The following SLC25A51 variants were observed in gnomAD, a reference collection of about 807,000 sequenced individuals.
SLC25A51 encodes the protein solute carrier family 25 member 51, also known as mitochondrial nicotinamide adenine dinucleotide transporter SLC25A51.
In SLC25A51, 11 loss-of-function variants were observed where a neutral mutation model predicts 19.1. The observed-to-expected ratio is 0.58, with a 90% confidence interval of 0.36 to 0.96. The LOEUF is 0.96. Among genes scored for constraint, SLC25A51 ranks in the 40% least tolerant of loss-of-function variants. SLC25A51 has a pLI of 0.01. For missense variants in SLC25A51, 201 were observed against 365.4 expected (o/e 0.55, Z 3.67); for synonymous variants, 105 against 133.6 (o/e 0.79, Z 1.47).
At chr9:37,885,355 A>AC (rs1411222939), downstream of SLC25A51, among the ~76,000 whole-genome samples, 11 of 149,778 alleles carry the variant, frequency 7.3e-5, no homozygotes, top group African/African-American at 1.9e-4. Context: ...AAAAAAAAAA[A>AC]AAAAAAAAAA....
intron 2 of SLC25A51, among the ~76,000 whole-genome samples, chr9:37,892,740 AT>A (rs112309179): frequency 1.1e-3 from 151 of 141,654 alleles, no homozygotes; most frequent in East Asian, 3.1e-3. Flanking sequence ...CACCTGGTTA[AT>A]TTTTTTTTTT....
intron 2 of SLC25A51, among the ~76,000 whole-genome samples, chr9:37,897,693 A>G (rs981893223): frequency 2.6e-5 from 4 of 151,552 alleles, no homozygotes; most frequent in East Asian, 1.9e-4. Flanking sequence ...TATAGTTCTT[A>G]TATTTTTCTT....
downstream of SLC25A51, among the ~76,000 whole-genome samples, chr9:37,887,032 C>T (rs1290806014): frequency 1.3e-5 from 2 of 151,116 alleles, no homozygotes; most frequent in South Asian, 2.1e-4. Context: ...ATTAGCTGGG[C>T]GTAGCCGGGC....
chr9:37,878,835 C>G (rs60600623), downstream of SLC25A51: 12 of 156,900 alleles, frequency 7.6e-5, no homozygotes, highest in African/African-American at 2.6e-4. Flanking sequence ...GCCAGTCTTG[C>G]CATGTTGCCC....
At chr9:37,885,457 TACG>T (rs1322394924), downstream of SLC25A51, among the ~76,000 whole-genome samples, 1 of 151,982 alleles carries the variant, frequency 6.6e-6, no homozygotes, top group African/African-American at 2.4e-5. Flanking sequence ...GGCCTGGAGT[TACG>T]ACACCAACTT....
intron 2 of SLC25A51, among the ~76,000 whole-genome samples, chr9:37,893,682 T>C (rs2118344498): frequency 6.6e-6 from 1 of 152,356 alleles, no homozygotes; most frequent in Non-Finnish European, 1.5e-5. Flanking sequence ...GGTTAGATTA[T>C]GAAGTCACCT....
chr9:37,892,569 A>T (rs56088737), intron 2 of SLC25A51, among the ~76,000 whole-genome samples: 12,599 of 151,384 alleles, frequency 0.083, 799 homozygotes, highest in East Asian at 0.38. Context: ...ATATATATAT[A>T]TTTTTTTCTT....
At chr9:37,880,297 GACC>G (rs1203693553) in exon 4 of SLC25A51, 3 of 136,582 alleles carry the variant, frequency 2.2e-5, no homozygotes, top group Non-Finnish European at 3.1e-5. Context: ...TGGCGACAGA[GACC>G]ACGTCTCAAA....
Position 37,900,365 on chromosome 9 carries a change from C to T in SLC25A51, c.-164-415G>A, listed in dbSNP as rs1005300448. ...CTGGGAGGCTGAGGCAGGAGAATTG[C>T]TTGAACCCGGGAGGCAGAGGTTGCA... On this transcript the variant is annotated intron_variant, in intron 1 of 2. Transcript: ENST00000242275. Among the ~76,000 whole-genome samples, 18 of 151,652 alleles carry T rather than the reference C, an allele frequency of 1.2e-4. 1 individual carries two copies. Among genetic ancestry groups the T allele is most frequent in the Admixed American group, 1.2e-3 (18 of 15,220 alleles).
At chr9:37,890,826 GAA>G (rs1362112258) in intron 2 of SLC25A51, among the ~76,000 whole-genome samples, 15 of 152,258 alleles carry the variant, frequency 9.9e-5, no homozygotes, top group African/African-American at 3.1e-4. Context: ...CCAAGAGGTG[GAA>G]ACAATCCAAA....
chr9:37,895,175 T>C (rs10491682), intron 2 of SLC25A51, among the ~76,000 whole-genome samples: 11,215 of 152,250 alleles, frequency 0.074, 1,137 homozygotes, highest in African/African-American at 0.23. Context: ...AACCTTGTAC[T>C]TATACCATGT....
intron 2 of SLC25A51, among the ~76,000 whole-genome samples, chr9:37,889,095 C>A (rs982866948): frequency 2.0e-5 from 3 of 151,978 alleles, no homozygotes; most frequent in African/African-American, 7.3e-5. Flanking sequence ...TGTTTGGGGC[C>A]CACAATCATT....
intron 2 of SLC25A51, among the ~76,000 whole-genome samples, chr9:37,890,813 C>G (rs1365709955): frequency 6.6e-6 from 1 of 152,194 alleles, no homozygotes; most frequent in African/African-American, 2.4e-5. Context: ...CTATTCACAA[C>G]AGCCAAGAGG....
chr9:37,898,795 A>C (rs928661297), intron 2 of SLC25A51, among the ~76,000 whole-genome samples: 1 of 152,214 alleles, frequency 6.6e-6, no homozygotes, highest in African/African-American at 2.4e-5. Context: ...GAGAATTTTC[A>C]AACATGGGAA....
chr9:37,886,361 T>A, downstream of SLC25A51: 1 of 1,610,494 alleles, frequency 6.2e-7, no homozygotes, highest in South Asian at 1.1e-5. Flanking sequence ...CACCACAGTG[T>A]CAGATGGGGA....
chr9:37,882,620 CAT>C (rs1362651522), downstream of SLC25A51, among the ~76,000 whole-genome samples: 3 of 152,186 alleles, frequency 2.0e-5, no homozygotes, highest in Admixed American at 6.5e-5. Flanking sequence ...GAAAGACACA[CAT>C]ATTCGCCACC....
chr9:37,886,432 G>A (rs13294843), downstream of SLC25A51: 253,401 of 1,538,834 alleles, frequency 0.16, 22,880 homozygotes, highest in East Asian at 0.33. Context: ...TCAATTCCAG[G>A]CTCTTTCCAT....
Position 37,901,875 on chromosome 9 carries a change from C to G in SLC25A51, c.-164-1925G>C, listed in dbSNP as rs143981427. On this transcript the variant is annotated intron_variant, in intron 1 of 2. Transcript: ENST00000242275. Reference sequence around the variant, plus strand: ...AGCTGATAGGTATGAGTTAAAAACTCTTATTAGTACACTTACAAGCTAAGA... The same window carrying G: ...AGCTGATAGGTATGAGTTAAAAACTGTTATTAGTACACTTACAAGCTAAGA... Among the ~76,000 whole-genome samples the G allele has an allele frequency of 3.6e-3, 552 of 152,240 alleles. 4 individuals carry two copies. The highest frequency in any genetic ancestry group is 0.013 in the African/African-American group (529 of 41,550).
chr9:37,880,953 T>C (rs1831338176), intron 3 of SLC25A51, among the ~76,000 whole-genome samples: 1 of 152,134 alleles, frequency 6.6e-6, no homozygotes, highest in African/African-American at 2.4e-5. Context: ...ACACCCTTTT[T>C]ATCAAATCTA....
Sources: gnomAD v4.1 joint callset for allele counts (sites outside exome capture counted in the v4.1 genomes callset) on GRCh38, gnomAD v4.1.1 for gene constraint, MANE v1.5 for transcripts, NCBI Gene and HGNC (gene_info 2026-07-23, HGNC 2026-07-21) for gene names.